The following ACP6 variants were observed in gnomAD, a reference collection of about 807,000 sequenced individuals.
ACP6 encodes lysophosphatidic acid phosphatase type 6.
A neutral mutation model predicts 48.1 loss-of-function variants in ACP6; 48 were observed. That is an observed-to-expected ratio of 1.00 (90% CI 0.79 to 1.27). The LOEUF (loss-of-function observed/expected upper bound fraction) is 1.27, where lower values mean the gene tolerates loss of function less well. ACP6 is among the 50% of genes most tolerant of loss of function. ACP6 has a pLI of 0.00. For synonymous variants in ACP6, 172 were observed against 204.2 expected, an observed-to-expected ratio of 0.84 and a Z score of 1.34; for missense variants, 485 against 529.1, an observed-to-expected ratio of 0.92 and a Z score of 0.82.
At position 147,646,771 on chromosome 1, in the gene ACP6, T is replaced by A. The variant is rs895156759; in HGVS notation, c.*652A>T. 4.6e-5 allele frequency: 7 copies of A among 152,410 alleles called. No individual in the cohort carries two copies. Among genetic ancestry groups the A allele is most frequent in the Admixed American group, 1.3e-4 (2 of 15,276 alleles). 9.4% of individuals were successfully genotyped at this position (152,410 alleles called of 1,614,324 possible). On this transcript the variant is annotated 3_prime_UTR_variant, in exon 10 of 10. Transcript: ENST00000583509. ...GGTTCCATCTCACCACCCAGCAACG[T>A]TCCCTGACCTTGAAGCCTATCCTTT... is the stretch of plus-strand genomic sequence containing the variant.
intron 5 of ACP6, among the ~76,000 whole-genome samples, chr1:147,631,508 C>T (rs903886298): frequency 2.0e-5 from 3 of 152,120 alleles, no homozygotes; most frequent in Non-Finnish European, 4.4e-5. Context: ...ACAATATAAA[C>T]AAAGTAACCT....
intron 1 of ACP6, among the ~76,000 whole-genome samples, chr1:147,661,513 T>C (rs79606813): frequency 0.065 from 9,920 of 152,178 alleles, 899 homozygotes; most frequent in African/African-American, 0.21. Context: ...CTCCCTCTCC[T>C]TGAGCCTCCT....
At chr1:147,658,788 G>T (rs1360532395) in intron 4 of ACP6, among the ~76,000 whole-genome samples, 172 bp downstream of exon 4, 2 of 152,052 alleles carry the variant, frequency 1.3e-5, no homozygotes, top group African/African-American at 4.8e-5. Flanking sequence ...GGCTGGCAGG[G>T]GCACCATAAG....
intron 7 of ACP6, 74 bp downstream of exon 7, chr1:147,652,375 G>A (rs1169452877): frequency 1.3e-4 from 191 of 1,454,086 alleles, no homozygotes; most frequent in Non-Finnish European, 1.7e-4. Context: ...GAGTGGGCCT[G>A]ATGAACTCCT....
chr1:147,661,815 G>A (rs183389557), intron 1 of ACP6, among the ~76,000 whole-genome samples: 25 of 152,304 alleles, frequency 1.6e-4, no homozygotes, highest in Admixed American at 1.6e-3. Flanking sequence ...TTGATAACAT[G>A]GAGATATTCA....
In ACP6 at chr1:147,648,314, G is replaced by T; in HGVS notation, c.1075C>A (p.Leu359Met). ...DHKWPPFAVD[L>M]TMELYQHLES... is the part of the protein sequence containing the mutation. ...AGGTGCTGGTAAAGTTCCATGGTCA[G>T]GTCAACAGCAAACGGTGGCCATTTG... Residue 359 changes from leucine (L) to methionine (M), a missense_variant, in exon 9 of 10, where the codon CTG becomes ATG. By Grantham distance (15) the Leu-to-Met change is conservative. Coordinates refer to ENST00000583509, the MANE Select transcript of ACP6 (RefSeq NM_016361.5). 1 of 1,614,186 alleles carries T rather than the reference G, an allele frequency of 6.2e-7. No individual in the cohort carries two copies.
intron 1 of ACP6, among the ~76,000 whole-genome samples, chr1:147,668,584 G>T (rs1008686059): frequency 6.6e-6 from 1 of 152,002 alleles, no homozygotes; most frequent in African/African-American, 2.4e-5. Flanking sequence ...AGAATTGGGG[G>T]AAGGGGAGCA....
chr1:147,654,060 C>A, intron 6 of ACP6, 134 bp downstream of exon 6: 3 of 1,436,700 alleles, frequency 2.1e-6, no homozygotes, highest in East Asian at 2.3e-5. Flanking sequence ...AGTCCCCACA[C>A]CCATTCTATC....
rs200384770 is a variant in ACP6, at chr1:147,652,563, A to G, written c.781-14T>C. 477 of 1,614,058 alleles carry G rather than the reference A, an allele frequency of 3.0e-4. No individual in the cohort carries two copies. The highest frequency in any genetic ancestry group is 3.9e-4 in the Non-Finnish European group (464 of 1,180,018). ...GAGGTTGTGTGCCTGAAAGGGCCACATGTAGTTTTAGAAAAAAATGCTTCT... is the reference window on the plus strand; with the variant it reads ...GAGGTTGTGTGCCTGAAAGGGCCACGTGTAGTTTTAGAAAAAAATGCTTCT... On this transcript the variant is annotated splice_polypyrimidine_tract_variant and intron_variant, in intron 6 of 9. Coordinates refer to ENST00000583509, the MANE Select transcript of ACP6 (RefSeq NM_016361.5).
At chr1:147,638,553 T>C (rs1659359830), downstream of ACP6, among the ~76,000 whole-genome samples, 2 of 152,170 alleles carry the variant, frequency 1.3e-5, no homozygotes, top group African/African-American at 2.4e-5. Context: ...AGCCAACTCC[T>C]TGAGATCTAG....
chr1:147,668,520 T>C (rs1441587055), intron 1 of ACP6, among the ~76,000 whole-genome samples: 2 of 152,074 alleles, frequency 1.3e-5, no homozygotes, highest in African/African-American at 4.8e-5. Flanking sequence ...GTGAATATAA[T>C]ATATATTCCT....
In ACP6 at chr1:147,652,206, A is replaced by G. The variant is rs1659957918; in HGVS notation, c.881+243T>C. 9.3e-6 allele frequency: 4 copies of G among 429,728 alleles called. No homozygotes were observed. The East Asian group carries it at 1.4e-4, about 15-fold the overall frequency. 26.6% of individuals were successfully genotyped at this position (429,728 alleles called of 1,614,324 possible). On this transcript the variant is annotated intron_variant, in intron 7 of 9. Coordinates refer to ENST00000583509, the MANE Select transcript of ACP6 (RefSeq NM_016361.5). The stretch of plus-strand genomic sequence containing the variant: ...AAAGCAAAAGGAAAAGGCAAGTGAT[A>G]AAGTCATGAGGGTGGTGGCTCCTGG...
At position 147,646,232 on chromosome 1, in the gene ACP6, G is replaced by C. The variant is rs1276580762; in HGVS notation, c.*1191C>G. 1 of 152,222 alleles carries C rather than the reference G, an allele frequency of 6.6e-6. No individual in the cohort carries two copies. The highest frequency in any genetic ancestry group is 1.5e-5 in the Non-Finnish European group (1 of 68,050). The allele number at this position is 152,222 out of a possible 1,614,324, so 9.4% of individuals were successfully genotyped here. A position where few individuals can be genotyped will look rare whatever the true frequency, so the allele number is the denominator to read the frequency against. On this transcript the variant is annotated 3_prime_UTR_variant, in exon 10 of 10. Coordinates refer to ENST00000583509, the MANE Select transcript of ACP6 (RefSeq NM_016361.5). ...GAAAATGTGAGACAAAGAAAACAAAGACAGATTTCTGATTTGGCAACTGGG... is the reference window on the plus strand; with the variant it reads ...GAAAATGTGAGACAAAGAAAACAAACACAGATTTCTGATTTGGCAACTGGG...
At chr1:147,640,678 T>G (rs1659423951), downstream of ACP6, among the ~76,000 whole-genome samples, 1 of 152,174 alleles carries the variant, frequency 6.6e-6, no homozygotes, top group Admixed American at 6.5e-5. Context: ...TCAGAGCACA[T>G]GACTCCAAGA....
chr1:147,660,060 G>A (rs1380072333), intron 1 of ACP6, among the ~76,000 whole-genome samples: 3 of 152,186 alleles, frequency 2.0e-5, no homozygotes, highest in African/African-American at 4.8e-5. Flanking sequence ...GGGGAGAAGT[G>A]ACCAGAATGC....
In ACP6 at chr1:147,659,702, C is replaced by T. The variant is rs973745489; in HGVS notation, c.293G>A (p.Gly98Asp). 16 of 1,614,082 alleles carry T rather than the reference C, an allele frequency of 9.9e-6. No individual in the cohort carries two copies. The highest frequency in any genetic ancestry group is 1.4e-5 in the Non-Finnish European group (16 of 1,180,052). The change falls in exon 2 of 10, where the codon GGT becomes GAT. Residue 98 changes from glycine to aspartate, a missense_variant. By Grantham distance (94) the Gly-to-Asp change is moderately conservative. Transcript: ENST00000583509. ...QFDYTVTNLAGGPKPYSPYDS... is the reference protein window; with the variant it reads ...QFDYTVTNLADGPKPYSPYDS... Reference sequence around the variant, plus strand: ...GTAAGGAGAATATGGTTTCGGACCACCAGCTAGATTGGTGACTGTGTAATC... The same window carrying T: ...GTAAGGAGAATATGGTTTCGGACCATCAGCTAGATTGGTGACTGTGTAATC...
intron 4 of ACP6, among the ~76,000 whole-genome samples, chr1:147,657,549 T>C (rs1660319830): frequency 6.6e-6 from 1 of 152,150 alleles, no homozygotes; most frequent in African/African-American, 2.4e-5. Context: ...GCCTCCTGAA[T>C]AGCTGGGATT....
At position 147,670,137 on chromosome 1, in the gene ACP6, A is replaced by G. The variant is rs782283576; in HGVS notation, c.-89T>C. On this transcript the variant is annotated 5_prime_UTR_variant, in exon 1 of 10. Transcript: ENST00000583509. ...GCGCCGGGGCTCAGCGGGCGCCCCC[A>G]AGTCCGCGGGAACCTGCGGATGCGT... 8.6e-6 allele frequency: 11 copies of G among 1,278,272 alleles called. No individual in the cohort carries two copies. The highest frequency in any genetic ancestry group is 1.5e-5 in the African/African-American group (1 of 66,484). The allele number at this position is 1,278,272 out of a possible 1,614,324, so 79.2% of individuals were successfully genotyped here.
intron 8 of ACP6, among the ~76,000 whole-genome samples, chr1:147,649,337 C>T (rs1177361733): frequency 6.6e-6 from 1 of 152,170 alleles, no homozygotes; most frequent in African/African-American, 2.4e-5. Flanking sequence ...AAGCTGTTTT[C>T]CTGCAGAACG....
Sources: gnomAD v4.1 joint callset for allele counts (sites outside exome capture counted in the v4.1 genomes callset) on GRCh38, gnomAD v4.1.1 for gene constraint, MANE v1.5 for transcripts, NCBI Gene and HGNC (gene_info 2026-07-23, HGNC 2026-07-21) for gene names.